ARHGAP6: variants seen among roughly 807,000 people sequenced by gnomAD.
ARHGAP6 encodes Rho GTPase activating protein 6, also known as rho GTPase-activating protein 6.
In ARHGAP6, 16 loss-of-function variants were observed where a neutral mutation model predicts 55.7. The ratio of observed to expected loss-of-function variants is 0.29; its 90% confidence interval spans 0.19 to 0.44. ARHGAP6 has a LOEUF of 0.44. ARHGAP6 is among the 20% of genes least tolerant of loss of function. The pLI is 1.00. For synonymous variants in ARHGAP6, 382 were observed against 360.9 expected, an observed-to-expected ratio of 1.06 and a Z score of -0.66; for missense variants, 698 against 808.9, an observed-to-expected ratio of 0.86 and a Z score of 1.66.
intron 1 of ARHGAP6, among the ~76,000 whole-genome samples, chrX:11,497,031 C>T (rs961947034): frequency 7.2e-5 from 8 of 111,489 alleles, no homozygotes; most frequent in African/African-American, 2.0e-4. Flanking sequence ...GCTATGGATA[C>T]ATCTTTTATT....
At chrX:11,414,054 A>T (rs769182549) in intron 1 of ARHGAP6, among the ~76,000 whole-genome samples, 16 of 112,235 alleles carry the variant, frequency 1.4e-4, no homozygotes, top group Non-Finnish European at 2.3e-4. Flanking sequence ...CCTCCATACC[A>T]ACAATATGTG....
chrX:11,616,888 G>C (rs1186853508), intron 1 of ARHGAP6, among the ~76,000 whole-genome samples: 1 of 111,629 alleles, frequency 9.0e-6, no homozygotes, highest in Non-Finnish European at 1.9e-5. Context: ...AAACTACCTG[G>C]TCTAGAATGT....
chrX:11,594,277 A>G (rs920009092), intron 1 of ARHGAP6, among the ~76,000 whole-genome samples: 1 of 105,246 alleles, frequency 9.5e-6, no homozygotes, highest in African/African-American at 3.5e-5. Flanking sequence ...CCAATTTTTC[A>G]TCACTCCACT....
chrX:11,527,712 G>T lies in ARHGAP6; in HGVS notation c.588+136529C>A, dbSNP rs182172556. Among the ~76,000 whole-genome samples, 603 of 112,325 alleles carry T rather than the reference G, an allele frequency of 5.4e-3. 4 individuals are homozygous for T. Among genetic ancestry groups the T allele is most frequent in the Middle Eastern group, 0.019 (4 of 216 alleles). On this transcript the variant is annotated intron_variant, in intron 1 of 12. Coordinates refer to ENST00000337414, the MANE Select transcript of ARHGAP6 (RefSeq NM_013427.3). ...TTTTTATCAATGACACTAGATTAGG[G>T]TTGCCAGACAGAATACAGGTCACTC...
chrX:11,422,854 G>A (rs921849622), intron 1 of ARHGAP6, among the ~76,000 whole-genome samples: 2 of 112,134 alleles, frequency 1.8e-5, no homozygotes, highest in East Asian at 5.6e-4. Flanking sequence ...AATTAGTAGT[G>A]GTACTTAATG....
chrX:11,430,406 G>A (rs1261484606), intron 1 of ARHGAP6, among the ~76,000 whole-genome samples: 1 of 112,290 alleles, frequency 8.9e-6, no homozygotes, highest in Non-Finnish European at 1.9e-5. Context: ...GAGTTTGTGA[G>A]ATTGGGCAAA....
At chrX:11,201,989 CTG>C (rs56023548) in intron 2 of ARHGAP6, among the ~76,000 whole-genome samples, 834 of 65,472 alleles carry the variant, frequency 0.013, 6 homozygotes, top group South Asian at 0.027. Context: ...GCATCTGGAT[CTG>C]TGTGTGTGTG....
chrX:11,169,704 A>C lies in ARHGAP6; in HGVS notation c.1630-20T>G. The C allele has an allele frequency of 8.9e-6, 10 of 1,121,782 alleles. No homozygotes were observed. Among genetic ancestry groups the C allele is most frequent in the Non-Finnish European group, 1.2e-5 (10 of 839,366 alleles). The allele number at this position is 1,121,782 out of a possible 1,213,427, so 92.4% of individuals were successfully genotyped here. On this transcript the variant is annotated intron_variant, in intron 8 of 12. Coordinates refer to ENST00000337414, the MANE Select transcript of ARHGAP6 (RefSeq NM_013427.3). The stretch of plus-strand genomic sequence containing the variant: ...AGTGACCTATAAGAGAACAGAACAC[A>C]AGGACTGTTGTTATGTTTGCCTTTC...
chrX:11,638,366 G>A lies in ARHGAP6; in HGVS notation c.588+25875C>T, dbSNP rs183505394. Among the ~76,000 whole-genome samples, 15 of 111,950 alleles carry A rather than the reference G, an allele frequency of 1.3e-4. No individual in the cohort carries two copies. In the East Asian group the frequency reaches 2.3e-3, roughly 17 times the overall value. ...GAAAGTTGTTTACAAGTCAGCACAC[G>A]TTAAAACCTGAAGCTTGAAATAGTG... On this transcript the variant is annotated intron_variant, in intron 1 of 12. Coordinates refer to ENST00000337414, the MANE Select transcript of ARHGAP6 (RefSeq NM_013427.3).
At chrX:11,354,266 GCTCTCT>G (rs1182351194) in intron 1 of ARHGAP6, among the ~76,000 whole-genome samples, 6 of 73,163 alleles carry the variant, frequency 8.2e-5, no homozygotes, top group South Asian at 7.5e-4. Flanking sequence ...CATGGAAAGA[GCTCTCT>G]CTCTCTCTCT....
At chrX:11,449,253 C>A (rs762656852) in intron 1 of ARHGAP6, among the ~76,000 whole-genome samples, 1 of 111,927 alleles carries the variant, frequency 8.9e-6, no homozygotes, top group South Asian at 3.7e-4. Context: ...CTGGCTTTGG[C>A]CTGCCATCCC....
intron 2 of ARHGAP6, 136 bp from the exon 3 acceptor site, chrX:11,197,132 C>G: frequency 2.4e-6 from 1 of 422,322 alleles, no homozygotes; most frequent in Non-Finnish European, 4.1e-6. Context: ...AGAGTAACAG[C>G]TCTGAGAATA....
intron 1 of ARHGAP6, among the ~76,000 whole-genome samples, chrX:11,345,785 A>AT (rs892736008): frequency 6.4e-5 from 7 of 110,044 alleles, no homozygotes; most frequent in African/African-American, 2.3e-4. Flanking sequence ...TAGTAGTTGA[A>AT]TTTTTTTTTC....
In ARHGAP6 at chrX:11,278,869, C is replaced by T. The variant is rs755303609; in HGVS notation, c.589-24162G>A. 9.5e-4 allele frequency among the ~76,000 whole-genome samples: 105 copies of T among 110,686 alleles called. 1 individual carries two copies. The highest frequency in any genetic ancestry group is 3.4e-3 in the African/African-American group (104 of 30,429). On this transcript the variant is annotated intron_variant, in intron 1 of 12. Transcript: ENST00000337414. ...TTTTTATTTTTTTTTAATTTTCAGA[C>T]CATCTCTCCATATCACTCGAATTCC...
At chrX:11,538,948 G>A (rs1156522435) in intron 1 of ARHGAP6, among the ~76,000 whole-genome samples, 2 of 108,693 alleles carry the variant, frequency 1.8e-5, no homozygotes, top group Non-Finnish European at 3.8e-5. Flanking sequence ...TCTGCCTCCT[G>A]GGTTCAAGGG....
chrX:11,427,499 G>C (rs943444932), intron 1 of ARHGAP6: 20 of 930,892 alleles, frequency 2.1e-5, no homozygotes, highest in Middle Eastern at 3.7e-4. Context: ...CCCACCCGGA[G>C]CGGCCCAGTG....
chrX:11,491,889 T>G (rs1467540963), intron 1 of ARHGAP6, among the ~76,000 whole-genome samples: 3 of 108,092 alleles, frequency 2.8e-5, no homozygotes, highest in Admixed American at 1.0e-4. Context: ...TTTCCTGATT[T>G]TTTAATGATT....
Position 11,410,979 on chromosome X carries a change from C to G in ARHGAP6, c.589-156272G>C, listed in dbSNP as rs1020907457. On this transcript the variant is annotated intron_variant, in intron 1 of 12. Coordinates refer to ENST00000337414, the MANE Select transcript of ARHGAP6 (RefSeq NM_013427.3). ...AAATAAAAAGAGAGAAACAAACAAA[C>G]AAAAAAATGGGTGAAAAGTTGTTTT... is the stretch of plus-strand genomic sequence containing the variant. Among the ~76,000 whole-genome samples, 7 of 106,262 alleles carry G rather than the reference C, an allele frequency of 6.6e-5. No homozygotes were observed. In the East Asian group the frequency reaches 1.2e-3, roughly 18 times the overall value. 92.3% of individuals were successfully genotyped at this position (106,262 alleles called of 115,157 possible). A position where few individuals can be genotyped will look rare whatever the true frequency, so the allele number is the denominator to read the frequency against.
At chrX:11,327,122 A>G (rs1036725201) in intron 1 of ARHGAP6, among the ~76,000 whole-genome samples, 4 of 112,128 alleles carry the variant, frequency 3.6e-5, no homozygotes, top group African/African-American at 1.3e-4. Flanking sequence ...AGGAAAAAAA[A>G]GTTTCCTATG....
Sources: gnomAD v4.1 joint callset for allele counts (sites outside exome capture counted in the v4.1 genomes callset) on GRCh38, gnomAD v4.1.1 for gene constraint, MANE v1.5 for transcripts, NCBI Gene and HGNC (gene_info 2026-07-23, HGNC 2026-07-21) for gene names.